Variants in LRRC34 observed in about 807,000 individuals in gnomAD.
LRRC34 encodes leucine-rich repeat-containing protein 34.
LRRC34 carries 44 observed loss-of-function variants against 48.5 expected under a neutral mutation model. The observed-to-expected ratio is 0.91, with a 90% CI of 0.71 to 1.17. LRRC34 has a LOEUF of 1.17. Ranked by LOEUF, LRRC34 falls within the 50% of genes most tolerant of loss-of-function variation. The probability of loss-of-function intolerance (pLI) is 0.00; values close to 1 mark genes in which losing one functional copy is unlikely to be tolerated. For missense variants in LRRC34, 502 were observed against 563.0 expected, an observed-to-expected ratio of 0.89 and a Z score of 1.10; for synonymous variants, 192 against 197.6, an observed-to-expected ratio of 0.97 and a Z score of 0.24.
At chr3:169,797,092 A>G in intron 7 of LRRC34, 193 bp from the exon 8 acceptor site, 1 of 380,780 alleles carries the variant, frequency 2.6e-6, no homozygotes, top group East Asian at 4.2e-5. Context: ...TTACCTTCTC[A>G]GAAGGTAAAA....
chr3:169,795,350 T>A lies in LRRC34; in HGVS notation c.1191+135A>T, dbSNP rs534979511. ...CCACCAAACTCTCTAGTAGTTAATTTTAAGACTTATGTTAATTATCAAAAC... is the reference window on the plus strand; with the variant it reads ...CCACCAAACTCTCTAGTAGTTAATTATAAGACTTATGTTAATTATCAAAAC... On this transcript the variant is annotated intron_variant, in intron 10 of 10. Transcript: ENST00000446859. 1.3e-5 allele frequency: 12 copies of A among 897,414 alleles called. No homozygotes were observed. The East Asian group carries it at 2.9e-4, about 21-fold the overall frequency. The allele number at this position is 897,414 out of a possible 1,614,324, so 55.6% of individuals were successfully genotyped here. A position where few individuals can be genotyped will look rare whatever the true frequency, so the allele number is the denominator to read the frequency against.
chr3:169,810,360 T>A (rs1779519314), intron 1 of LRRC34, among the ~76,000 whole-genome samples: 1 of 152,226 alleles, frequency 6.6e-6, no homozygotes, highest in Non-Finnish European at 1.5e-5. Flanking sequence ...GCATATTAAG[T>A]ATTTTTTAAA....
rs1375702757 is a variant in LRRC34 at position 169,812,647 on chromosome 3, G to T, written c.-99C>A. The T allele has an allele frequency of 7.2e-7, 1 of 1,387,836 alleles. No homozygotes were observed. The allele number at this position is 1,387,836 out of a possible 1,614,324, so 86.0% of individuals were successfully genotyped here. ...CGAGTCCCGCTGGCTGTGCCTGCCC[G>T]GGCCCTGAGGCCTCACTGCTAAGGC... On this transcript the variant is annotated 5_prime_UTR_variant, in exon 1 of 11. Coordinates refer to ENST00000446859, the MANE Select transcript of LRRC34 (RefSeq NM_001172779.2). This position sits in a 1 kb window ranked among gnomAD's most constrained non-coding sequence, Gnocchi z 4.3.
At chr3:169,795,282 G>A in intron 10 of LRRC34, 1 of 363,568 alleles carries the variant, frequency 2.8e-6, no homozygotes, top group Non-Finnish European at 4.9e-6. Context: ...ATTCAGTGAT[G>A]TGTAATACTA....
intron 1 of LRRC34, among the ~76,000 whole-genome samples, chr3:169,809,002 C>T (rs1349367082): frequency 6.6e-6 from 1 of 152,134 alleles, no homozygotes; most frequent in Non-Finnish European, 1.5e-5. Context: ...CTCAAGTGAG[C>T]ACCCTACGTT....
chr3:169,798,666 C>T (rs1779079753), intron 7 of LRRC34, among the ~76,000 whole-genome samples: 2 of 152,180 alleles, frequency 1.3e-5, no homozygotes, highest in African/African-American at 4.8e-5. Flanking sequence ...AATGACACCA[C>T]TCAACATATT....
At chr3:169,801,508 CAA>C (rs1779191862) in intron 6 of LRRC34, among the ~76,000 whole-genome samples, 1 of 152,178 alleles carries the variant, frequency 6.6e-6, no homozygotes, top group Non-Finnish European at 1.5e-5. Flanking sequence ...CTAAAACCAC[CAA>C]TCAGATCATT....
Position 169,804,042 on chromosome 3 carries a change from A to T in LRRC34, c.657+11T>A, listed in dbSNP as rs1294018254. On this transcript the variant is annotated intron_variant, in intron 6 of 10. Transcript: ENST00000446859. ...CTATCTGGATGATTTTCTCATAACC[A>T]GTTTACTCACCAGATCACAGTCACC... is the stretch of plus-strand genomic sequence containing the variant. The T allele has an allele frequency of 6.4e-7, 1 of 1,559,984 alleles. No individual in the cohort carries two copies. The highest frequency in any genetic ancestry group is 1.9e-5 in the Admixed American group (1 of 52,580).
Position 169,812,570 on chromosome 3 carries a change from A to T in LRRC34, c.-22T>A. 6.8e-7 allele frequency: 1 copy of T among 1,463,124 alleles called. No individual in the cohort carries two copies. The highest frequency in any genetic ancestry group is 9.0e-7 in the Non-Finnish European group (1 of 1,114,322). 90.6% of individuals were successfully genotyped at this position (1,463,124 alleles called of 1,614,324 possible). A position where few individuals can be genotyped will look rare whatever the true frequency, so the allele number is the denominator to read the frequency against. ...CCATGGCGACCGCGCGCGCACTTAC[A>T]GTCCGCCTGCAGCTGTGAGGCGGCT... is the stretch of plus-strand genomic sequence containing the variant. On this transcript the variant is annotated 5_prime_UTR_variant, in exon 1 of 11. Transcript: ENST00000446859. This position sits in a 1 kb window ranked among gnomAD's most constrained non-coding sequence, Gnocchi z 4.3.
chr3:169,795,408 C>T (rs1484695897), intron 10 of LRRC34, 77 bp downstream of exon 10: 17 of 1,432,358 alleles, frequency 1.2e-5, no homozygotes, highest in African/African-American at 2.8e-5. Context: ...ATTTCTGAGG[C>T]ACCTGTAAAT....
At position 169,800,651 on chromosome 3, in the gene LRRC34, A is replaced by T; in HGVS notation, c.753+8T>A. 6.7e-7 allele frequency: 1 copy of T among 1,502,898 alleles called. No homozygotes were observed. The highest frequency in any genetic ancestry group is 8.9e-7 in the Non-Finnish European group (1 of 1,121,324). 93.1% of individuals were successfully genotyped at this position (1,502,898 alleles called of 1,614,324 possible). On this transcript the variant is annotated splice_region_variant and intron_variant, in intron 7 of 10. Transcript: ENST00000446859. ...GTTATATTAACTACCATCACTTTGAATACATACCTGTTCACTGTACAGTAT... is the reference window on the plus strand; with the variant it reads ...GTTATATTAACTACCATCACTTTGATTACATACCTGTTCACTGTACAGTAT...
chr3:169,806,762 C>T, intron 5 of LRRC34, 86 bp downstream of exon 5: 1 of 756,568 alleles, frequency 1.3e-6, no homozygotes, highest in Non-Finnish European at 2.2e-6. Flanking sequence ...AATAAGTTCA[C>T]TTCAACATTG....
At chr3:169,806,425 A>T (rs1379032235) in intron 5 of LRRC34, among the ~76,000 whole-genome samples, 1 of 152,184 alleles carries the variant, frequency 6.6e-6, no homozygotes, top group Non-Finnish European at 1.5e-5. Context: ...AAATGTCCAC[A>T]ATAGGCAAAT....
At chr3:169,809,785 T>C (rs1336879543) in intron 1 of LRRC34, among the ~76,000 whole-genome samples, 1 of 152,210 alleles carries the variant, frequency 6.6e-6, no homozygotes, top group Non-Finnish European at 1.5e-5. Context: ...TGTTGTTTAC[T>C]GAGTGTCCTT....
chr3:169,805,121 A>G (rs73879128), intron 5 of LRRC34, among the ~76,000 whole-genome samples: 99 of 152,310 alleles, frequency 6.5e-4, no homozygotes, highest in African/African-American at 2.3e-3. Context: ...TCCTCTCACC[A>G]CTTCTATTTA....
At position 169,797,202 on chromosome 3, in the gene LRRC34, G is replaced by A. The variant is rs1779025479; in HGVS notation, c.754-303C>T. 4.0e-5 allele frequency among the ~76,000 whole-genome samples: 6 copies of A among 150,418 alleles called. 1 individual carries two copies. The highest frequency in any genetic ancestry group is 4.0e-4 in the Admixed American group (6 of 15,076). On this transcript the variant is annotated intron_variant, in intron 7 of 10. Coordinates refer to ENST00000446859, the MANE Select transcript of LRRC34 (RefSeq NM_001172779.2). ...AAACAATAATCAGTCATTTCGAAAG[G>A]AAAAAAAAATTGGTCCCATCATGTA...
intron 1 of LRRC34, among the ~76,000 whole-genome samples, chr3:169,810,045 CT>C (rs1779508057): frequency 6.6e-6 from 1 of 151,256 alleles, no homozygotes; most frequent in Non-Finnish European, 1.5e-5. Flanking sequence ...CAACCTCTGC[CT>C]CCCGGGTTCA....
At chr3:169,795,797 G>A (rs1576731606) in intron 9 of LRRC34, 186 bp from the exon 10 acceptor site, 3 of 1,268,470 alleles carry the variant, frequency 2.4e-6, no homozygotes, top group South Asian at 5.2e-5. Flanking sequence ...ACTTAGTAGA[G>A]CTAACTACAT....
intron 2 of LRRC34, 170 bp from the exon 3 acceptor site, chr3:169,807,879 T>A: frequency 1.3e-6 from 1 of 763,366 alleles, no homozygotes; most frequent in Non-Finnish European, 1.9e-6. Context: ...CCAGGTAACT[T>A]AAAACTACTG....
Sources: gnomAD v4.1 joint callset for allele counts (sites outside exome capture counted in the v4.1 genomes callset) on GRCh38, gnomAD v4.1.1 for gene constraint, Gnocchi (gnomAD v3.1) non-coding constraint, MANE v1.5 for transcripts, NCBI Gene and HGNC (gene_info 2026-07-23, HGNC 2026-07-21) for gene names.